The following GRB10 variants were observed in gnomAD, a reference collection of about 807,000 sequenced individuals.
GRB10 encodes the protein growth factor receptor-bound protein 10.
A neutral mutation model predicts 80.9 loss-of-function variants in GRB10; 20 were observed. That is an observed-to-expected ratio of 0.25 (90% CI 0.17 to 0.36). GRB10 has a LOEUF of 0.36. Among genes scored for constraint, GRB10 ranks in the 10% least tolerant of loss-of-function variants. The pLI is 1.00. For missense variants in GRB10, 548 were observed against 747.7 expected (o/e 0.73, Z 3.12); for synonymous variants, 291 against 291.5 (o/e 1.00, Z 0.02).
At chr7:50,596,054 T>TAAAGGC (rs1182990833) in intron 17 of GRB10, among the ~76,000 whole-genome samples, 1 of 152,096 alleles carries the variant, frequency 6.6e-6, no homozygotes, top group African/African-American at 2.4e-5. Context: ...AGCCAATAAA[T>TAAAGGC]AAAGGCAAGA....
At chr7:50,755,433 C>T (rs928573387) in intron 3 of GRB10, among the ~76,000 whole-genome samples, 11 of 152,198 alleles carry the variant, frequency 7.2e-5, no homozygotes, top group Admixed American at 2.0e-4. Context: ...CTAACACACA[C>T]ATCAGCAACA....
rs1466848474 is a variant in GRB10, at chr7:50,591,335, C to G, written c.*1617G>C. ...CCTTACTGAAGCTTGTGACACTGCT[C>G]TAGGCTACGGGGGTTGACTGAGGAG... On this transcript the variant is annotated 3_prime_UTR_variant, in exon 19 of 19. Coordinates refer to ENST00000401949, the MANE Select transcript of GRB10 (RefSeq NM_001350814.2). 1 of 152,244 alleles carries G rather than the reference C, an allele frequency of 6.6e-6. No homozygotes were observed. Among genetic ancestry groups the G allele is most frequent in the Non-Finnish European group, 1.5e-5 (1 of 68,112 alleles). 9.4% of individuals were successfully genotyped at this position (152,244 alleles called of 1,614,324 possible).
rs2065811864 is a variant in GRB10 at position 50,711,004 on chromosome 7, C to T, written c.52-7096G>A. 4 of 981,244 alleles carry T rather than the reference C, an allele frequency of 4.1e-6. No homozygotes were observed. In the East Asian group the frequency reaches 9.5e-5, roughly 23 times the overall value. 60.8% of individuals were successfully genotyped at this position (981,244 alleles called of 1,614,324 possible). On this transcript the variant is annotated intron_variant, in intron 4 of 18. Transcript: ENST00000401949. ...TATTTTCAGAACCTGGAGAACGGCA[C>T]AGAAGGCACACTTAATAACTCCACT...
At chr7:50,735,876 AC>A (rs1201590884) in intron 3 of GRB10, among the ~76,000 whole-genome samples, 12 of 152,166 alleles carry the variant, frequency 7.9e-5, no homozygotes, top group African/African-American at 2.7e-4. Context: ...AGGAAAAAAA[AC>A]AAAACAGAAC....
intron 13 of GRB10, among the ~76,000 whole-genome samples, chr7:50,609,459 G>A (rs2049123829): frequency 6.6e-6 from 1 of 152,114 alleles, no homozygotes; most frequent in African/African-American, 2.4e-5. Context: ...TCTCAATTTT[G>A]GGTACCTAAT....
intron 7 of GRB10, among the ~76,000 whole-genome samples, chr7:50,650,935 T>C (rs1401830141): frequency 6.6e-6 from 1 of 152,260 alleles, no homozygotes; most frequent in African/African-American, 2.4e-5. Flanking sequence ...ATTGCAAATG[T>C]AAATATTGCA....
rs575406178 is a variant in GRB10 at position 50,677,419 on chromosome 7, C to A, written c.140-2761G>T. On this transcript the variant is annotated intron_variant, in intron 5 of 18. Coordinates refer to ENST00000401949, the MANE Select transcript of GRB10 (RefSeq NM_001350814.2). ...CCTGAGCTACCCGAGGCCCAGAAGG[C>A]TTGTGGCCTCAGGGAGAGGAGAGCC... Among the ~76,000 whole-genome samples the A allele has an allele frequency of 3.3e-5, 5 of 152,282 alleles. No homozygotes were observed. The East Asian group carries it at 9.7e-4, about 29-fold the overall frequency.
intron 8 of GRB10, among the ~76,000 whole-genome samples, chr7:50,619,802 G>A (rs1197336688): frequency 1.3e-5 from 2 of 152,252 alleles, no homozygotes; most frequent in East Asian, 1.9e-4. Flanking sequence ...AAGACTGTAC[G>A]TACATACTCA....
intron 12 of GRB10, 27 bp downstream of exon 12, chr7:50,614,743 C>T (rs766060133): frequency 7.6e-6 from 11 of 1,444,514 alleles, no homozygotes; most frequent in South Asian, 2.3e-5. Context: ...TGAGCATGCG[C>T]GCCGTCTGTG....
Position 50,754,840 on chromosome 7 carries a change from A to C in GRB10, c.-47+1047T>G, listed in dbSNP as rs116003524. Among the ~76,000 whole-genome samples, 1,328 of 152,264 alleles carry C rather than the reference A, an allele frequency of 8.7e-3. 25 individuals carry two copies. Among genetic ancestry groups the C allele is most frequent in the African/African-American group, 0.03 (1,251 of 41,544 alleles). The stretch of plus-strand genomic sequence containing the variant: ...CCCCAGCACTTCAGAATGTGACTGT[A>C]TTTGGAAACAGAGCCTTTACAGAGG... On this transcript the variant is annotated intron_variant, in intron 3 of 18. Transcript: ENST00000401949.
intron 5 of GRB10, among the ~76,000 whole-genome samples, chr7:50,682,791 T>C (rs981643032): frequency 1.3e-4 from 20 of 152,204 alleles, no homozygotes; most frequent in African/African-American, 4.1e-4. Flanking sequence ...TGTCAGCATA[T>C]ATTTTCTGGT....
rs2045723959 is a variant in GRB10, at chr7:50,590,467, G to GT, written c.*2484dup. On this transcript the variant is annotated 3_prime_UTR_variant, in exon 19 of 19. Coordinates refer to ENST00000401949, the MANE Select transcript of GRB10 (RefSeq NM_001350814.2). The stretch of plus-strand genomic sequence containing the variant: ...ACATTCTGGAACTCTAACACCTAGT[G>GT]TAACAGAGCTTACCTATTAAACTCT... 2 of 152,440 alleles carry GT rather than the reference G, an allele frequency of 1.3e-5. No individual in the cohort carries two copies. The highest frequency in any genetic ancestry group is 2.4e-5 in the African/African-American group (1 of 41,464). The allele number at this position is 152,440 out of a possible 1,614,324, so 9.4% of individuals were successfully genotyped here.
At chr7:50,593,722 G>A (rs1052142583) in intron 18 of GRB10, among the ~76,000 whole-genome samples, 4 of 152,188 alleles carry the variant, frequency 2.6e-5, no homozygotes, top group Non-Finnish European at 5.9e-5. Flanking sequence ...TTGGATGACT[G>A]TAGTACAGTG....
chr7:50,714,501 A>T (rs2066505240), intron 4 of GRB10, among the ~76,000 whole-genome samples: 1 of 152,116 alleles, frequency 6.6e-6, no homozygotes. Flanking sequence ...GTCTCTACTA[A>T]AAATACAAAA....
At chr7:50,775,179 A>AAAAAAAAAAAAAAAAAAAC (rs1562689445) in intron 2 of GRB10, among the ~76,000 whole-genome samples, 3 of 148,606 alleles carry the variant, frequency 2.0e-5, no homozygotes, top group Non-Finnish European at 3.0e-5. Context: ...AAAAACAAAA[A>AAAAAAAAAAAAAAAAAAAC]AAAACAGTGG....
chr7:50,646,105 G>C (rs1429408495), intron 7 of GRB10, among the ~76,000 whole-genome samples: 1 of 152,190 alleles, frequency 6.6e-6, no homozygotes, highest in African/African-American at 2.4e-5. Context: ...CCATGCACGA[G>C]AATGTTCATT....
chr7:50,597,413 T>C (rs1479210485), intron 17 of GRB10, among the ~76,000 whole-genome samples: 1 of 151,894 alleles, frequency 6.6e-6, no homozygotes, highest in Non-Finnish European at 1.5e-5. Context: ...CGCTGGTGCA[T>C]GCTGGGCAGC....
chr7:50,749,815 C>T (rs1213400101), intron 3 of GRB10, among the ~76,000 whole-genome samples: 2 of 152,204 alleles, frequency 1.3e-5, no homozygotes, highest in African/African-American at 2.4e-5. Context: ...TCCTCCATCC[C>T]GTCTTTGGGC....
At chr7:50,640,282 G>C (rs544141206) in intron 7 of GRB10, among the ~76,000 whole-genome samples, 19 of 152,350 alleles carry the variant, frequency 1.2e-4, no homozygotes, top group South Asian at 8.3e-4. Flanking sequence ...AATGGGCTAT[G>C]TGCCACAATC....
Sources: gnomAD v4.1 joint callset for allele counts (sites outside exome capture counted in the v4.1 genomes callset) on GRCh38, gnomAD v4.1.1 for gene constraint, MANE v1.5 for transcripts, NCBI Gene and HGNC (gene_info 2026-07-23, HGNC 2026-07-21) for gene names.